The following CCDC175 variants were observed in gnomAD, a reference collection of about 807,000 sequenced individuals.
CCDC175 encodes the protein coiled-coil domain-containing protein 175.
Under a neutral mutation model 114.6 loss-of-function variants are expected in CCDC175, and 100 were observed. The ratio of observed to expected loss-of-function variants is 0.87; its 90% CI spans 0.74 to 1.03. The LOEUF is 1.03. Ranked by LOEUF, CCDC175 falls within the 50% of genes least tolerant of loss-of-function variation. CCDC175 has a pLI of 0.00. For synonymous variants in CCDC175, 306 were observed against 308.7 expected, an observed-to-expected ratio of 0.99 and a Z score of 0.09; for missense variants, 880 against 917.8, an observed-to-expected ratio of 0.96 and a Z score of 0.53.
intron 7 of CCDC175, 148 bp from the exon 8 acceptor site, chr14:59,551,584 C>G (rs10134312): frequency 4.7e-5 from 23 of 491,228 alleles, no homozygotes; most frequent in African/African-American, 4.4e-4. Context: ...AACCGAAGTA[C>G]CGGGTTCATC....
intron 7 of CCDC175, among the ~76,000 whole-genome samples, chr14:59,559,556 A>G (rs1896113257): frequency 6.6e-6 from 1 of 152,162 alleles, no homozygotes; most frequent in Non-Finnish European, 1.5e-5. Flanking sequence ...TGTCGTGCAA[A>G]TTATTTTAGT....
chr14:59,571,148 TAAA>T (rs35713404), intron 3 of CCDC175, among the ~76,000 whole-genome samples: 141 of 128,362 alleles, frequency 1.1e-3, no homozygotes, highest in Middle Eastern at 3.8e-3. Context: ...GAAATTTACC[TAAA>T]AAAAAAAAAA....
At chr14:59,507,564 G>T (rs1182444453) in intron 19 of CCDC175, among the ~76,000 whole-genome samples, 2 of 152,158 alleles carry the variant, frequency 1.3e-5, no homozygotes, top group East Asian at 3.9e-4. Flanking sequence ...CTGAGATAAG[G>T]GCTTCTCCAG....
intron 3 of CCDC175, among the ~76,000 whole-genome samples, chr14:59,569,159 G>GCTGGA (rs1221375809): frequency 6.6e-6 from 1 of 152,198 alleles, no homozygotes; most frequent in African/African-American, 2.4e-5. Flanking sequence ...TTAGGAAGGT[G>GCTGGA]CTGGACTACT....
intron 19 of CCDC175, 118 bp from the exon 20 acceptor site, chr14:59,505,433 A>C: frequency 2.5e-6 from 1 of 393,976 alleles, no homozygotes; most frequent in Non-Finnish European, 4.1e-6. Context: ...TAATTGTATA[A>C]TCGGGGTAGA....
intron 7 of CCDC175, among the ~76,000 whole-genome samples, chr14:59,557,089 C>G (rs529570022): frequency 6.6e-6 from 1 of 152,148 alleles, no homozygotes; most frequent in Non-Finnish European, 1.5e-5. Context: ...CTAGAAATAC[C>G]TTTTGACCCA....
Position 59,538,110 on chromosome 14 carries a change from A to G in CCDC175, c.1536T>C (p.Ile512=). The G allele has an allele frequency of 2.0e-6, 3 of 1,534,508 alleles. No homozygotes were observed. Among genetic ancestry groups the G allele is most frequent in the Non-Finnish European group, 2.6e-6 (3 of 1,144,488 alleles). Reference sequence around the variant, plus strand: ...CTTTTAATTCTGTTGTAAGTTTTTCAATCTGTGCCACAAATCCACTGATCT... The same window carrying G: ...CTTTTAATTCTGTTGTAAGTTTTTCGATCTGTGCCACAAATCCACTGATCT... The part of the protein sequence containing the change: ...QQEISGFVAQ[I]EKLTTELKEE... The change falls in exon 13 of 20, where the codon ATT becomes ATC. Residue 512 remains isoleucine, a synonymous_variant. Coordinates refer to ENST00000537690, the MANE Select transcript of CCDC175 (RefSeq NM_001164399.2).
intron 7 of CCDC175, among the ~76,000 whole-genome samples, chr14:59,556,527 A>T (rs1270067861): frequency 6.6e-6 from 1 of 152,196 alleles, no homozygotes; most frequent in East Asian, 1.9e-4. Context: ...AACCTAGGCA[A>T]TACCATTCAG....
At position 59,573,875 on chromosome 14, in the gene CCDC175, G is replaced by A. The variant is rs558853536; in HGVS notation, c.244-1062C>T. ...AGTGATCCACCCATCCTGGCCTCCC[G>A]GAGTGCTGGGATTACAGGCGTGAGC... On this transcript the variant is annotated intron_variant, in intron 2 of 19. Coordinates refer to ENST00000537690, the MANE Select transcript of CCDC175 (RefSeq NM_001164399.2). 5.1e-4 allele frequency among the ~76,000 whole-genome samples: 78 copies of A among 152,070 alleles called. No individual in the cohort carries two copies. In the East Asian group the frequency reaches 5.8e-3, roughly 11 times the overall value.
chr14:59,522,728 A>C lies in CCDC175; in HGVS notation c.1996-1052T>G, dbSNP rs150998886. Among the ~76,000 whole-genome samples, 4 of 152,250 alleles carry C rather than the reference A, an allele frequency of 2.6e-5. No homozygotes were observed. In the East Asian group the frequency reaches 7.7e-4, roughly 29 times the overall value. ...CAGGTGTAAATCCTGCCTCTACATT[A>C]ATGATACACAGTGAGAGTTCTCCTT... On this transcript the variant is annotated intron_variant, in intron 16 of 19. Transcript: ENST00000537690.
At chr14:59,544,144 C>T (rs1026579812) in intron 9 of CCDC175, among the ~76,000 whole-genome samples, 9 of 152,034 alleles carry the variant, frequency 5.9e-5, no homozygotes, top group African/African-American at 1.7e-4. Context: ...CTCCTCTCAG[C>T]GTGTGGATTG....
chr14:59,546,747 G>A (rs961071894), intron 8 of CCDC175, among the ~76,000 whole-genome samples: 6 of 152,108 alleles, frequency 3.9e-5, no homozygotes, highest in Non-Finnish European at 7.4e-5. Context: ...GAGGCAGGAG[G>A]ATTGCTTGAG....
Position 59,563,616 on chromosome 14 carries a change from A to G in CCDC175, c.843+121T>C. On this transcript the variant is annotated intron_variant, in intron 6 of 19. Transcript: ENST00000537690. ...CATAACGCTTTAAAGAAAGTGTCAGAAAATGTTAACGTGCAGAAAACATCC... is the reference window on the plus strand; with the variant it reads ...CATAACGCTTTAAAGAAAGTGTCAGGAAATGTTAACGTGCAGAAAACATCC... The G allele has an allele frequency of 5.2e-6, 3 of 574,444 alleles. 1 individual carries two copies. The highest frequency in any genetic ancestry group is 7.7e-6 in the Non-Finnish European group (3 of 388,956). The allele number at this position is 574,444 out of a possible 1,614,324, so 35.6% of individuals were successfully genotyped here.
intron 8 of CCDC175, among the ~76,000 whole-genome samples, chr14:59,546,202 G>A (rs1895099164): frequency 1.3e-5 from 2 of 152,136 alleles, no homozygotes; most frequent in Non-Finnish European, 2.9e-5. Context: ...ATCCTAAGTG[G>A]ATTAATGCAG....
chr14:59,512,803 GGGGT>G (rs1283234260), intron 17 of CCDC175, among the ~76,000 whole-genome samples: 2 of 110,562 alleles, frequency 1.8e-5, no homozygotes, highest in South Asian at 3.6e-4. Flanking sequence ...GATCTCAGCA[GGGGT>G]GTGTGTGTGT....
intron 3 of CCDC175, among the ~76,000 whole-genome samples, chr14:59,570,199 C>T (rs1473753198): frequency 6.6e-6 from 1 of 152,096 alleles, no homozygotes; most frequent in Non-Finnish European, 1.5e-5. Flanking sequence ...AGCTGCTGGG[C>T]ACTGTGGACT....
chr14:59,516,937 C>T (rs1428485466), intron 17 of CCDC175, among the ~76,000 whole-genome samples: 2 of 152,100 alleles, frequency 1.3e-5, no homozygotes, highest in African/African-American at 2.4e-5. Flanking sequence ...ACTGGCAATC[C>T]GAATCCAGCA....
At chr14:59,535,144 C>A (rs192638181) in intron 13 of CCDC175, among the ~76,000 whole-genome samples, 101 of 152,096 alleles carry the variant, frequency 6.6e-4, no homozygotes, top group Middle Eastern at 3.2e-3. Context: ...TGCTGATTAT[C>A]GAGGGGAAAT....
chr14:59,540,915 A>G (rs1894745114), intron 10 of CCDC175, among the ~76,000 whole-genome samples, 169 bp from the exon 11 acceptor site: 1 of 152,182 alleles, frequency 6.6e-6, no homozygotes, highest in Non-Finnish European at 1.5e-5. Flanking sequence ...GACAATTGCA[A>G]TTCTATGTTA....
Sources: allele counts gnomAD v4.1 joint callset (sites outside exome capture counted in the v4.1 genomes callset), GRCh38; gene constraint gnomAD v4.1.1; transcripts MANE v1.5; gene names NCBI Gene and HGNC (gene_info 2026-07-23, HGNC 2026-07-21).